Variants in ABCC1 observed in about 807,000 individuals in gnomAD.
ABCC1 encodes the protein multidrug resistance-associated protein 1.
In ABCC1, 83 loss-of-function variants were observed where a neutral mutation model predicts 172.9. The ratio of observed to expected loss-of-function variants is 0.48; its 90% CI spans 0.40 to 0.58. The LOEUF (loss-of-function observed/expected upper bound fraction) is 0.58, where lower values mean the gene tolerates loss of function less well. ABCC1 is among the 20% of genes least tolerant of loss of function. The probability of loss-of-function intolerance (pLI) is 0.00; values close to 1 mark genes in which losing one functional copy is unlikely to be tolerated. For synonymous variants in ABCC1, 937 were observed against 825.2 expected (o/e 1.14, Z -2.32); for missense variants, 1,817 against 2,002.7 (o/e 0.91, Z 1.77).
rs189408680 is a variant in ABCC1, at chr16:16,084,982, C to T, written c.2292+1440C>T. On this transcript the variant is annotated intron_variant, in intron 17 of 30. Transcript: ENST00000399410. The stretch of plus-strand genomic sequence containing the variant: ...CTAAACATTTTACACGTAATTCTTC[C>T]CCACAGCAAGCCCATGGGTGGAATT... Among the ~76,000 whole-genome samples the T allele has an allele frequency of 2.6e-5, 4 of 152,230 alleles. No individual in the cohort carries two copies. The East Asian group carries it at 7.7e-4, about 29-fold the overall frequency.
At chr16:16,080,335 A>G (rs758420126) in intron 16 of ABCC1, among the ~76,000 whole-genome samples, 2 of 152,206 alleles carry the variant, frequency 1.3e-5, no homozygotes, top group Non-Finnish European at 2.9e-5. Flanking sequence ...TAAAGGGAAC[A>G]GTTTAAATTT....
intron 6 of ABCC1, among the ~76,000 whole-genome samples, chr16:16,035,226 A>G (rs527476919): frequency 1.3e-5 from 2 of 152,088 alleles, no homozygotes; most frequent in African/African-American, 4.8e-5. Flanking sequence ...ACATGGTGAA[A>G]CCCTGTCTCC....
In ABCC1 at chr16:15,964,364, C is replaced by G. The variant is rs75863793; in HGVS notation, c.48+14565C>G. On this transcript the variant is annotated intron_variant, in intron 1 of 30. Coordinates refer to ENST00000399410, the MANE Select transcript of ABCC1 (RefSeq NM_004996.4). ...GTTCCACAGATCTCTAGGGCAGGGTCAAAATGCTGCCAGTCTCTTTGCTAA... is the reference window on the plus strand; with the variant it reads ...GTTCCACAGATCTCTAGGGCAGGGTGAAAATGCTGCCAGTCTCTTTGCTAA... 7.4e-3 allele frequency among the ~76,000 whole-genome samples: 1,120 copies of G among 152,298 alleles called. 23 individuals carry two copies. Among genetic ancestry groups the G allele is most frequent in the African/African-American group, 0.025 (1,054 of 41,554 alleles).
Position 16,044,437 on chromosome 16 carries a change from C to T in ABCC1, c.810-13C>T. The T allele has an allele frequency of 6.2e-7, 1 of 1,611,380 alleles. No homozygotes were observed. Among genetic ancestry groups the T allele is most frequent in the Non-Finnish European group, 8.5e-7 (1 of 1,177,840 alleles). ...GGCAGACCCCACAACGGCTTCACCTCCTTGTGTTCCAGGCAGCCGGTGAAG... is the reference window on the plus strand; with the variant it reads ...GGCAGACCCCACAACGGCTTCACCTTCTTGTGTTCCAGGCAGCCGGTGAAG... On this transcript the variant is annotated splice_polypyrimidine_tract_variant and intron_variant, in intron 7 of 30. Coordinates refer to ENST00000399410, the MANE Select transcript of ABCC1 (RefSeq NM_004996.4).
At chr16:16,120,772 G>C (rs1168318718) in intron 23 of ABCC1, among the ~76,000 whole-genome samples, 1 of 152,118 alleles carries the variant, frequency 6.6e-6, no homozygotes, top group African/African-American at 2.4e-5. Context: ...AAGAAGCATG[G>C]TTGGCAACTC....
intron 27 of ABCC1, 128 bp downstream of exon 27, chr16:16,132,063 T>TA: frequency 8.3e-7 from 1 of 1,210,606 alleles, no homozygotes; most frequent in Non-Finnish European, 1.2e-6. Flanking sequence ...AATGGCTTTT[T>TA]GGGGGGCTGG....
chr16:16,138,342 TG>T (rs1438346570), intron 29 of ABCC1, 21 bp from the exon 30 acceptor site: 2 of 1,555,952 alleles, frequency 1.3e-6, no homozygotes, highest in South Asian at 2.3e-5. Context: ...CACTATCTCC[TG>T]GTTTTTTTCT....
At chr16:15,954,428 CCTCCT>C (rs2045943014) in intron 1 of ABCC1, among the ~76,000 whole-genome samples, 1 of 152,080 alleles carries the variant, frequency 6.6e-6, no homozygotes, top group South Asian at 2.1e-4. Context: ...CTTGGGGGGC[CCTCCT>C]CTCCACCCAC....
intron 1 of ABCC1, among the ~76,000 whole-genome samples, chr16:15,961,442 T>C (rs1331689131): frequency 6.6e-6 from 1 of 152,228 alleles, no homozygotes; most frequent in Admixed American, 6.5e-5. Context: ...ATGCTAATAC[T>C]TTAAGGTGAA....
chr16:16,003,619 T>G (rs1386002556), intron 1 of ABCC1, among the ~76,000 whole-genome samples: 1,873 of 90,468 alleles, frequency 0.021, 17 homozygotes, highest in Middle Eastern at 0.044. Context: ...TAGGTGGATG[T>G]ATAAATGAAT....
In ABCC1 at chr16:16,046,023, G is replaced by T. The variant is rs775940471; in HGVS notation, c.1218+10G>T. On this transcript the variant is annotated intron_variant, in intron 9 of 30. Transcript: ENST00000399410. ...GGCTGTCTATCGGAAGGTAGGGGACGCTGTGCCATTGGCATGTGGCCCGAC... is the reference window on the plus strand; with the variant it reads ...GGCTGTCTATCGGAAGGTAGGGGACTCTGTGCCATTGGCATGTGGCCCGAC... The T allele has an allele frequency of 6.2e-7, 1 of 1,613,400 alleles. No homozygotes were observed. Among genetic ancestry groups the T allele is most frequent in the Non-Finnish European group, 8.5e-7 (1 of 1,179,682 alleles).
intron 1 of ABCC1, among the ~76,000 whole-genome samples, chr16:15,972,265 G>A (rs1433622669): frequency 1.3e-5 from 2 of 152,138 alleles, no homozygotes; most frequent in African/African-American, 4.8e-5. Flanking sequence ...CTAGTCTTCA[G>A]GATTTTGACA....
At position 16,034,904 on chromosome 16, in the gene ABCC1, G is replaced by A. The variant is rs45553835; in HGVS notation, c.678-1568G>A. Among the ~76,000 whole-genome samples the A allele has an allele frequency of 2.7e-3, 403 of 152,038 alleles. 2 individuals are homozygous for A. Among genetic ancestry groups the A allele is most frequent in the African/African-American group, 9.2e-3 (383 of 41,510 alleles). ...TGCCAGCCCTTTAACTGTTTAAGTG[G>A]TTCAGAAAAAGATGATGTGTTTGCA... On this transcript the variant is annotated intron_variant, in intron 6 of 30. Coordinates refer to ENST00000399410, the MANE Select transcript of ABCC1 (RefSeq NM_004996.4).
rs1397150939 is a variant in ABCC1, at chr16:15,986,096, G to C, written c.49-21720G>C. 9.3e-5 allele frequency among the ~76,000 whole-genome samples: 14 copies of C among 151,294 alleles called. No individual in the cohort carries two copies. In the Middle Eastern group the frequency reaches 0.01, roughly 113 times the overall value. The stretch of plus-strand genomic sequence containing the variant: ...ATTACAGGTGCATGTCACCATGCCT[G>C]GCTAATTTTTGTATTTTTAGTAGAG... On this transcript the variant is annotated intron_variant, in intron 1 of 30. Transcript: ENST00000399410.
intron 7 of ABCC1, 25 bp from the exon 8 acceptor site, chr16:16,044,425 A>G (rs2049113305): frequency 6.2e-7 from 1 of 1,603,784 alleles, no homozygotes; most frequent in East Asian, 2.2e-5. Context: ...AGACCCCACA[A>G]CGGCTTCACC....
intron 5 of ABCC1, among the ~76,000 whole-genome samples, chr16:16,026,635 G>A (rs2048384540): frequency 6.6e-6 from 1 of 151,904 alleles, no homozygotes; most frequent in Admixed American, 6.6e-5. Context: ...AATGGCAATT[G>A]CTGGGCGCGG....
Position 16,136,544 on chromosome 16 carries a change from G to A in ABCC1, c.4192G>A (p.Glu1398Lys). Residue 1398 changes from glutamate to lysine, a missense_variant, in exon 29 of 31, where the codon GAA becomes AAA. Around this residue, in one of 3 missense-constraint regions of ABCC1, gnomAD observed 1,412 missense variants for 1,600.3 expected, o/e 0.88. Coordinates refer to ENST00000399410, the MANE Select transcript of ABCC1 (RefSeq NM_004996.4). ...CCCATTCAGCCAGTACTCGGATGAA[G>A]AAGTCTGGACGTCCCTGGAGCTGGC... ...LDPFSQYSDEEVWTSLELAHL... is the reference protein window; with the variant it reads ...LDPFSQYSDEKVWTSLELAHL... 1 of 1,614,196 alleles carries A rather than the reference G, an allele frequency of 6.2e-7. No individual in the cohort carries two copies. The highest frequency in any genetic ancestry group is 8.5e-7 in the Non-Finnish European group (1 of 1,180,036).
intron 5 of ABCC1, among the ~76,000 whole-genome samples, chr16:16,025,195 C>T (rs971832565): frequency 9.2e-5 from 14 of 152,074 alleles, no homozygotes; most frequent in African/African-American, 2.9e-4. Flanking sequence ...ATTTAGGCTC[C>T]GTCTAATAAT....
chr16:16,076,263 G>A, intron 14 of ABCC1, 63 bp from the exon 15 acceptor site: 1 of 1,485,242 alleles, frequency 6.7e-7, no homozygotes, highest in Non-Finnish European at 9.3e-7. Flanking sequence ...GAGAAAGAGA[G>A]TGTTCTGTGC....
Sources: gnomAD v4.1 joint callset for allele counts (sites outside exome capture counted in the v4.1 genomes callset) on GRCh38, gnomAD v4.1.1 for gene constraint, gnomAD v4.1.1 regional missense constraint, MANE v1.5 for transcripts, NCBI Gene and HGNC (gene_info 2026-07-23, HGNC 2026-07-21) for gene names.